Variants in SPMIP2 observed in about 807,000 individuals in gnomAD.
SPMIP2 encodes the protein sperm microtubule inner protein 2, also known as protein SPMIP2.
the SPMIP2 span, among the ~76,000 whole-genome samples, chr4:158,962,052 A>T: frequency 5.9e-5 from 9 of 152,268 alleles, no homozygotes; most frequent in African/African-American, 2.2e-4. Flanking sequence ...TCCAATTTGG[A>T]TATTTCCTAC....
At chr4:159,001,723 T>C in the SPMIP2 span, among the ~76,000 whole-genome samples, 1 of 152,200 alleles carries the variant, frequency 6.6e-6, no homozygotes, top group Non-Finnish European at 1.5e-5. Flanking sequence ...ATATGTACCA[T>C]GTTTTCTTTA....
At chr4:159,002,392 A>C in the SPMIP2 span, among the ~76,000 whole-genome samples, 1 of 152,296 alleles carries the variant, frequency 6.6e-6, no homozygotes, top group South Asian at 2.1e-4. Context: ...TTAATGGATC[A>C]TACCATAGGT....
At chr4:158,972,540 C>T in the SPMIP2 span, among the ~76,000 whole-genome samples, 1 of 152,198 alleles carries the variant, frequency 6.6e-6, no homozygotes, top group African/African-American at 2.4e-5. Flanking sequence ...GTGCACTCTT[C>T]TGTTTCAGGG....
the SPMIP2 span, chr4:158,905,873 A>T: frequency 6.6e-6 from 1 of 152,202 alleles, no homozygotes; most frequent in Non-Finnish European, 1.5e-5. Context: ...TGCAGATCTC[A>T]AGCAGTTAAC....
the SPMIP2 span, among the ~76,000 whole-genome samples, chr4:158,985,311 C>G: frequency 7.1e-6 from 1 of 140,462 alleles, no homozygotes; most frequent in Non-Finnish European, 1.5e-5. Context: ...GATACCAAAG[C>G]TGGGCAGAGA....
At chr4:158,954,447 T>C in the SPMIP2 span, among the ~76,000 whole-genome samples, 1 of 152,212 alleles carries the variant, frequency 6.6e-6, no homozygotes, top group Non-Finnish European at 1.5e-5. Flanking sequence ...GCCTCAAGTA[T>C]GTCTTTATCA....
chr4:158,960,084 T>A, the SPMIP2 span, among the ~76,000 whole-genome samples: 2 of 152,138 alleles, frequency 1.3e-5, no homozygotes, highest in African/African-American at 4.8e-5. Context: ...GTTGCGTTAT[T>A]CCTTTTCTCC....
the SPMIP2 span, among the ~76,000 whole-genome samples, chr4:158,948,151 A>G: frequency 3.1e-4 from 47 of 152,266 alleles, no homozygotes; most frequent in African/African-American, 8.7e-4. Flanking sequence ...AGGCTCCTGC[A>G]TAGCCAAATT....
At chr4:158,933,347 A>G in the SPMIP2 span, among the ~76,000 whole-genome samples, 3 of 152,198 alleles carry the variant, frequency 2.0e-5, no homozygotes, top group African/African-American at 7.2e-5. Context: ...TTTCTTTTTT[A>G]GAGGAGCATA....
At chr4:158,925,412 A>G in the SPMIP2 span, among the ~76,000 whole-genome samples, 1 of 152,154 alleles carries the variant, frequency 6.6e-6, no homozygotes, top group African/African-American at 2.4e-5. Context: ...AGTAGTTTAA[A>G]TGTTTTCTCA....
At chr4:159,073,596 G>A in the SPMIP2 span, among the ~76,000 whole-genome samples, 7 of 152,244 alleles carry the variant, frequency 4.6e-5, no homozygotes, top group South Asian at 4.2e-4. Flanking sequence ...AAGAAGAAAT[G>A]GAAGCTCTCC....
At chr4:159,004,570 C>CA in the SPMIP2 span, among the ~76,000 whole-genome samples, 2 of 151,914 alleles carry the variant, frequency 1.3e-5, no homozygotes, top group East Asian at 3.9e-4. Flanking sequence ...GGATTACAGA[C>CA]ATGATGTATT....
the SPMIP2 span, among the ~76,000 whole-genome samples, chr4:158,979,795 T>TG: frequency 1.3e-5 from 1 of 76,952 alleles, no homozygotes; most frequent in East Asian, 5.2e-4. Context: ...AAGAGTTTTT[T>TG]TTTTTTTTTT....
the SPMIP2 span, among the ~76,000 whole-genome samples, chr4:158,930,165 T>G: frequency 6.6e-6 from 1 of 150,522 alleles, no homozygotes; most frequent in East Asian, 1.9e-4. Context: ...TGCTGATAAT[T>G]CATGTTAATC....
the SPMIP2 span, among the ~76,000 whole-genome samples, chr4:159,050,492 C>T: frequency 5.9e-5 from 9 of 152,194 alleles, no homozygotes; most frequent in South Asian, 1.7e-3. Flanking sequence ...TAAATGTAAA[C>T]AGCATTTTAT....
At chr4:159,079,165 C>T in the SPMIP2 span, among the ~76,000 whole-genome samples, 1 of 151,912 alleles carries the variant, frequency 6.6e-6, no homozygotes, top group African/African-American at 2.4e-5. Context: ...AACTTTAAAA[C>T]ACTGTCATGG....
the SPMIP2 span, among the ~76,000 whole-genome samples, chr4:158,911,287 G>A: frequency 2.0e-5 from 3 of 152,036 alleles, no homozygotes; most frequent in South Asian, 4.1e-4. Context: ...GGCGGAGGCT[G>A]CAGTGAGCCA....
At chr4:158,921,456 AAAGG>A in the SPMIP2 span, among the ~76,000 whole-genome samples, 1 of 152,108 alleles carries the variant, frequency 6.6e-6, no homozygotes, top group South Asian at 2.1e-4. Context: ...TTTAAAAAAA[AAAGG>A]AAAAAGAAAA....
At chr4:159,057,526 CAGA>C in the SPMIP2 span, among the ~76,000 whole-genome samples, 1 of 152,080 alleles carries the variant, frequency 6.6e-6, no homozygotes, top group Non-Finnish European at 1.5e-5. Flanking sequence ...GTAGAGAAAT[CAGA>C]AGAATCACTT....
Sources: allele counts gnomAD v4.1 joint callset (sites outside exome capture counted in the v4.1 genomes callset), GRCh38; gene constraint gnomAD v4.1.1; transcripts MANE v1.5; gene names NCBI Gene and HGNC (gene_info 2026-07-23, HGNC 2026-07-21).